Variants in SUGCT observed in about 807,000 individuals in gnomAD.
SUGCT encodes succinyl-CoA:glutarate CoA-transferase.
SUGCT carries 41 observed loss-of-function variants against 55.0 expected under a neutral mutation model. That is an observed-to-expected ratio of 0.74 (90% CI 0.58 to 0.97). The LOEUF is 0.97. SUGCT is among the 50% of genes least tolerant of loss of function. The pLI is 0.00. For missense variants in SUGCT, 568 were observed against 547.8 expected, an observed-to-expected ratio of 1.04 and a Z score of -0.37; for synonymous variants, 187 against 200.4, an observed-to-expected ratio of 0.93 and a Z score of 0.56.
At chr7:40,585,545 T>G (rs1323777173) in intron 12 of SUGCT, among the ~76,000 whole-genome samples, 1 of 152,132 alleles carries the variant, frequency 6.6e-6, no homozygotes, top group African/African-American at 2.4e-5. Context: ...GACAATTACT[T>G]TATTTTTTGT....
At chr7:40,955,238 AT>A in the SUGCT span, among the ~76,000 whole-genome samples, 1 of 152,162 alleles carries the variant, frequency 6.6e-6, no homozygotes, top group African/African-American at 2.4e-5. Context: ...CAGTATGGCC[AT>A]TTTCACAATA....
intron 12 of SUGCT, among the ~76,000 whole-genome samples, chr7:40,637,203 A>G (rs893005790): frequency 6.6e-6 from 1 of 152,222 alleles, no homozygotes; most frequent in Non-Finnish European, 1.5e-5. Context: ...GAGATTTTCA[A>G]CTTCTCAATT....
chr7:40,533,522 A>C (rs2151600043), intron 12 of SUGCT, among the ~76,000 whole-genome samples: 1 of 152,236 alleles, frequency 6.6e-6, no homozygotes. Flanking sequence ...ATTTTCCACA[A>C]TTGCAAAGAA....
At chr7:40,541,719 T>C (rs1794692822) in intron 12 of SUGCT, among the ~76,000 whole-genome samples, 1 of 152,170 alleles carries the variant, frequency 6.6e-6, no homozygotes, top group Admixed American at 6.5e-5. Flanking sequence ...GTCTAGAGAT[T>C]GGATTGGGAT....
At chr7:40,916,473 T>A in the SUGCT span, among the ~76,000 whole-genome samples, 1 of 152,158 alleles carries the variant, frequency 6.6e-6, no homozygotes, top group Non-Finnish European at 1.5e-5. Context: ...GCTTCTGACA[T>A]CTTGTGAGGA....
intron 13 of SUGCT, among the ~76,000 whole-genome samples, chr7:40,848,314 G>C (rs1337459199): frequency 6.6e-6 from 1 of 152,042 alleles, no homozygotes; most frequent in African/African-American, 2.4e-5. Context: ...ACTCTACCTT[G>C]TACCTGGCCC....
intron 9 of SUGCT, among the ~76,000 whole-genome samples, chr7:40,437,620 A>C (rs1788248944): frequency 2.0e-5 from 3 of 152,178 alleles, no homozygotes; most frequent in Admixed American, 2.0e-4. Flanking sequence ...CCTCATTGCC[A>C]TCTGGCTCAG....
At chr7:40,215,011 A>G (rs1183321871) in intron 6 of SUGCT, among the ~76,000 whole-genome samples, 1 of 152,198 alleles carries the variant, frequency 6.6e-6, no homozygotes, top group African/African-American at 2.4e-5. Flanking sequence ...TCAGTCACAT[A>G]GGCATTCCCT....
chr7:40,989,664 C>T, the SUGCT span, among the ~76,000 whole-genome samples: 5 of 151,836 alleles, frequency 3.3e-5, no homozygotes, highest in Admixed American at 1.3e-4. Flanking sequence ...CCAGCTACTC[C>T]GGAGGCTGAG....
At chr7:40,350,346 C>T (rs1187826214) in intron 9 of SUGCT, among the ~76,000 whole-genome samples, 1 of 150,418 alleles carries the variant, frequency 6.6e-6, no homozygotes, top group Admixed American at 6.6e-5. Flanking sequence ...GAGAGTCTCA[C>T]TCTGTTGCCC....
chr7:40,710,262 C>T (rs369829421), intron 12 of SUGCT, among the ~76,000 whole-genome samples: 1 of 152,136 alleles, frequency 6.6e-6, no homozygotes, highest in African/African-American at 2.4e-5. Context: ...TGCTGTAGAA[C>T]GCAACACAGA....
intron 12 of SUGCT, among the ~76,000 whole-genome samples, chr7:40,630,095 C>T (rs1283976366): frequency 6.6e-6 from 1 of 152,238 alleles, no homozygotes; most frequent in Non-Finnish European, 1.5e-5. Context: ...ACTTCCTCCT[C>T]AACCAGCCAG....
intron 12 of SUGCT, among the ~76,000 whole-genome samples, chr7:40,699,483 G>A (rs1267270271): frequency 6.6e-6 from 1 of 152,200 alleles, no homozygotes; most frequent in African/African-American, 2.4e-5. Flanking sequence ...TAAACTAAGG[G>A]TGATGAGTCT....
chr7:40,578,865 CTGTT>C (rs2151706375), intron 12 of SUGCT, among the ~76,000 whole-genome samples: 1 of 152,266 alleles, frequency 6.6e-6, no homozygotes, highest in Admixed American at 6.5e-5. Context: ...TCATTTAATT[CTGTT>C]TATTTTTTCC....
the SUGCT span, among the ~76,000 whole-genome samples, chr7:40,951,548 G>A: frequency 6.6e-6 from 1 of 152,004 alleles, no homozygotes; most frequent in Non-Finnish European, 1.5e-5. Flanking sequence ...GTGATGTTAG[G>A]ATGTCAATTT....
At chr7:40,859,391 C>T (rs1448286786) in intron 13 of SUGCT, among the ~76,000 whole-genome samples, 1 of 152,124 alleles carries the variant, frequency 6.6e-6, no homozygotes, top group South Asian at 2.1e-4. Context: ...TGGCCTTGAG[C>T]AAAACTTTAG....
intron 8 of SUGCT, among the ~76,000 whole-genome samples, chr7:40,305,059 C>T (rs1304805450): frequency 6.6e-6 from 1 of 152,178 alleles, no homozygotes; most frequent in Non-Finnish European, 1.5e-5. Context: ...CCTTAAGCCA[C>T]CTTTCCTCCT....
chr7:40,194,643 T>C (rs1369818423), intron 5 of SUGCT, among the ~76,000 whole-genome samples: 1 of 152,246 alleles, frequency 6.6e-6, no homozygotes, highest in Admixed American at 6.5e-5. Context: ...TTCTACCTAA[T>C]CTTTTGAGAA....
the SUGCT span, among the ~76,000 whole-genome samples, chr7:40,952,509 G>C: frequency 3.9e-5 from 6 of 152,124 alleles, no homozygotes; most frequent in Non-Finnish European, 8.8e-5. Flanking sequence ...ATGTTAGCTG[G>C]TTATTTTGCT....
Sources: gnomAD v4.1 joint callset for allele counts (sites outside exome capture counted in the v4.1 genomes callset) on GRCh38, gnomAD v4.1.1 for gene constraint, MANE v1.5 for transcripts, NCBI Gene and HGNC (gene_info 2026-07-23, HGNC 2026-07-21) for gene names.